Variants in KIAA0753 observed in about 807,000 individuals in gnomAD.
The protein encoded by KIAA0753 is protein moonraker.
KIAA0753 carries 114 observed loss-of-function variants against 116.9 expected under a neutral mutation model. That is an observed-to-expected ratio of 0.98 (90% CI 0.84 to 1.14). The LOEUF (loss-of-function observed/expected upper bound fraction) is 1.14, where lower values mean the gene tolerates loss of function less well. Among genes scored for constraint, KIAA0753 ranks in the 50% most tolerant of loss-of-function variants. KIAA0753 has a pLI of 0.00. For missense variants in KIAA0753, 1,156 were observed against 1,172.4 expected, an observed-to-expected ratio of 0.99 and a Z score of 0.20; for synonymous variants, 405 against 413.1, an observed-to-expected ratio of 0.98 and a Z score of 0.24.
chr17:6,593,114 C>G (rs1969192681), intron 16 of KIAA0753, among the ~76,000 whole-genome samples: 1 of 152,138 alleles, frequency 6.6e-6, no homozygotes, highest in Non-Finnish European at 1.5e-5. Flanking sequence ...AAACATGTAT[C>G]TGGAAAAGAA....
intron 3 of KIAA0753, among the ~76,000 whole-genome samples, chr17:6,625,799 T>A (rs1476245276): frequency 6.6e-6 from 1 of 152,026 alleles, no homozygotes; most frequent in East Asian, 1.9e-4. Flanking sequence ...ACCTCCCGGG[T>A]CAAGTGATTC....
chr17:6,635,909 G>A (rs1972295316), intron 1 of KIAA0753: 1 of 152,164 alleles, frequency 6.6e-6, no homozygotes, highest in Non-Finnish European at 1.5e-5. Flanking sequence ...TATTTCACAT[G>A]TACATGTCTC....
At position 6,610,038 on chromosome 17, in the gene KIAA0753, T is replaced by C; in HGVS notation, c.1668A>G (p.Pro556=). The change falls in exon 9 of 19, where the codon CCA becomes CCG. Residue 556 remains proline, a synonymous_variant. Coordinates refer to ENST00000361413, the MANE Select transcript of KIAA0753 (RefSeq NM_014804.3). ...NRQPVKDRKA[P]WIPPNPTSPP... The stretch of plus-strand genomic sequence containing the variant: ...GGGATGTGGGGTTTGGGGGTATCCA[T>C]GGTGCCTTGCGGTCTTTCACAGGCT... The C allele has an allele frequency of 3.7e-6, 6 of 1,614,194 alleles. No homozygotes were observed. The highest frequency in any genetic ancestry group is 5.1e-6 in the Non-Finnish European group (6 of 1,180,026).
intron 18 of KIAA0753, among the ~76,000 whole-genome samples, chr17:6,581,100 C>T (rs774964427): frequency 3.9e-4 from 59 of 152,176 alleles, no homozygotes; most frequent in Admixed American, 2.5e-3. Context: ...TCAAATTTTG[C>T]CAACCATCCA....
chr17:6,594,634 C>T (rs745865305), intron 16 of KIAA0753, among the ~76,000 whole-genome samples: 145 of 152,142 alleles, frequency 9.5e-4, no homozygotes, highest in Non-Finnish European at 1.7e-3. Context: ...TGTCAAAAAC[C>T]ACCAAATAGC....
chr17:6,610,383 C>G lies in KIAA0753; in HGVS notation c.1546-223G>C, dbSNP rs185809653. Among the ~76,000 whole-genome samples, 44 of 151,852 alleles carry G rather than the reference C, an allele frequency of 2.9e-4. No homozygotes were observed. The East Asian group carries it at 8.5e-3, about 29-fold the overall frequency. On this transcript the variant is annotated intron_variant, in intron 8 of 18. Coordinates refer to ENST00000361413, the MANE Select transcript of KIAA0753 (RefSeq NM_014804.3). The stretch of plus-strand genomic sequence containing the variant: ...GAGGGTGTAGAATTTAAATCCCTGG[C>G]TCTGCCTGACACCTTTAAACATATA...
At chr17:6,593,451 C>T (rs1969230457) in intron 16 of KIAA0753, among the ~76,000 whole-genome samples, 1 of 152,010 alleles carries the variant, frequency 6.6e-6, no homozygotes, top group Non-Finnish European at 1.5e-5. Context: ...ATGGCTCACA[C>T]CTGGAATCCC....
rs759705670 is a variant in KIAA0753 at position 6,622,867 on chromosome 17, GAATT to G, written c.1104+11_1104+14del. ...TCCAATGCACCTCTAACAAAAATTG[GAATT>G]AATTCCATACCTCAATTTGTTGCAG... On this transcript the variant is annotated intron_variant, in intron 6 of 18. Transcript: ENST00000361413. 1.2e-6 allele frequency: 2 copies of G among 1,603,702 alleles called. No homozygotes were observed. The highest frequency in any genetic ancestry group is 1.7e-6 in the Non-Finnish European group (2 of 1,171,006).
chr17:6,599,435 A>C (rs1011032563), intron 13 of KIAA0753, 115 bp from the exon 14 acceptor site: 3 of 710,562 alleles, frequency 4.2e-6, no homozygotes, highest in Non-Finnish European at 7.1e-6. Context: ...CTTTAGCTAC[A>C]TTAGGCTTTT....
chr17:6,599,134 A>G, intron 14 of KIAA0753, 103 bp downstream of exon 14: 2 of 761,962 alleles, frequency 2.6e-6, no homozygotes, highest in South Asian at 3.0e-5. Context: ...CTTCTTGAGT[A>G]GGATAATCTA....
intron 7 of KIAA0753, among the ~76,000 whole-genome samples, chr17:6,614,500 G>A (rs1046005910): frequency 2.8e-5 from 3 of 106,882 alleles, no homozygotes; most frequent in Non-Finnish European, 6.2e-5. Flanking sequence ...AACCTTACAA[G>A]CATAAGTGGG....
At position 6,620,912 on chromosome 17, in the gene KIAA0753, A is replaced by G; in HGVS notation, c.1191T>C (p.Gly397=). The stretch of plus-strand genomic sequence containing the variant: ...GCCATCTCTCCAAGGCCTTTTGGCT[A>G]CCGATAGGAAATCTGCTCCGAATTT... ...FSEIRSRFPI[G]SQKALERWPS... is the part of the protein sequence containing the mutation. Residue 397 remains glycine, a synonymous_variant, in exon 7 of 19, where the codon GGT becomes GGC. Coordinates refer to ENST00000361413, the MANE Select transcript of KIAA0753 (RefSeq NM_014804.3). The G allele has an allele frequency of 6.2e-7, 1 of 1,614,160 alleles. No homozygotes were observed.
At chr17:6,628,814 C>G in intron 2 of KIAA0753, 73 bp from the exon 3 acceptor site, 1 of 1,460,670 alleles carries the variant, frequency 6.8e-7, no homozygotes, top group South Asian at 1.4e-5. Context: ...TGTCTATAAT[C>G]AAATTTCTAA....
In KIAA0753 at chr17:6,593,207, G is replaced by A. The variant is rs186049674; in HGVS notation, c.2440+1765C>T. Among the ~76,000 whole-genome samples, 53 of 152,358 alleles carry A rather than the reference G, an allele frequency of 3.5e-4. No individual in the cohort carries two copies. In the East Asian group the frequency reaches 9.1e-3, roughly 26 times the overall value. On this transcript the variant is annotated intron_variant, in intron 16 of 18. Coordinates refer to ENST00000361413, the MANE Select transcript of KIAA0753 (RefSeq NM_014804.3). ...AAAAAACTGACAAAAGATTTTGGAC[G>A]CTTCACAAGGGAAGATATACAAATG...
chr17:6,638,673 C>G lies in KIAA0753; in HGVS notation c.-69+1964G>C, dbSNP rs892440304. 3 of 153,096 alleles carry G rather than the reference C, an allele frequency of 2.0e-5. No homozygotes were observed. The East Asian group carries it at 5.8e-4, about 30-fold the overall frequency. The allele number at this position is 153,096 out of a possible 1,614,324, so 9.5% of individuals were successfully genotyped here. A position where few individuals can be genotyped will look rare whatever the true frequency, so the allele number is the denominator to read the frequency against. The stretch of plus-strand genomic sequence containing the variant: ...TACAGGTCTCCTCTCCAAGCCCAGG[C>G]ACTGCCTCGGCTGGGGGCCCCCCAA... On this transcript the variant is annotated intron_variant, in intron 1 of 18. Coordinates refer to ENST00000361413, the MANE Select transcript of KIAA0753 (RefSeq NM_014804.3).
intron 18 of KIAA0753, among the ~76,000 whole-genome samples, chr17:6,581,793 G>T (rs1428724507): frequency 6.6e-6 from 1 of 152,174 alleles, no homozygotes; most frequent in Non-Finnish European, 1.5e-5. Context: ...TGGCCCGTAG[G>T]TGCCTCTTGG....
Position 6,589,809 on chromosome 17 carries a change from C to G in KIAA0753, c.2756G>C (p.Gly919Ala), listed in dbSNP as rs1323547942. The change falls in exon 18 of 19, where the codon GGC (glycine) becomes GCC (alanine). Residue 919 changes from glycine to alanine, a missense_variant. Gly to Ala is a moderately conservative substitution (Grantham distance 60). Transcript: ENST00000361413. ...YLRIISHEAV[G>A]SFNPWLIAES... The stretch of plus-strand genomic sequence containing the variant: ...AGCTATCAGCCACGGGTTGAAGGAG[C>G]CTACAGCCTCATGAGATATGATCCG... 17 of 1,613,156 alleles carry G rather than the reference C, an allele frequency of 1.1e-5. No individual in the cohort carries two copies. The Admixed American group carries it at 2.3e-4, about 22-fold the overall frequency.
intron 16 of KIAA0753, among the ~76,000 whole-genome samples, chr17:6,594,492 T>C (rs187770575): frequency 1.9e-3 from 295 of 152,360 alleles, no homozygotes; most frequent in Middle Eastern, 6.8e-3. Flanking sequence ...ACTGCATTTA[T>C]ATGAAACTCT....
chr17:6,628,834 AC>A, intron 2 of KIAA0753, 93 bp from the exon 3 acceptor site: 2 of 1,292,448 alleles, frequency 1.5e-6, no homozygotes, highest in Non-Finnish European at 2.1e-6. Flanking sequence ...AAATTTTGCC[AC>A]CAGATCATTA....
Sources: gnomAD v4.1 joint callset for allele counts (sites outside exome capture counted in the v4.1 genomes callset) on GRCh38, gnomAD v4.1.1 for gene constraint, MANE v1.5 for transcripts, NCBI Gene and HGNC (gene_info 2026-07-23, HGNC 2026-07-21) for gene names.